The following RPS6KC1 variants were observed in gnomAD, a reference collection of about 807,000 sequenced individuals.
RPS6KC1 encodes the protein inactive ribosomal protein S6 kinase delta-1.
A neutral mutation model predicts 103.8 loss-of-function variants in RPS6KC1; 54 were observed. The ratio of observed to expected loss-of-function variants is 0.52; its 90% CI spans 0.42 to 0.65. RPS6KC1 has a LOEUF of 0.65. Ranked by LOEUF, RPS6KC1 falls within the 30% of genes least tolerant of loss-of-function variation. RPS6KC1 has a pLI of 0.00. For missense variants in RPS6KC1, 1,151 were observed against 1,253.8 expected, an observed-to-expected ratio of 0.92 and a Z score of 1.24; for synonymous variants, 439 against 438.7, an observed-to-expected ratio of 1.00 and a Z score of -0.01.
At chr1:213,611,251 GA>G in the RPS6KC1 span, among the ~76,000 whole-genome samples, 1 of 152,130 alleles carries the variant, frequency 6.6e-6, no homozygotes, top group African/African-American at 2.4e-5. Flanking sequence ...TCTTTTCTAG[GA>G]GAGCAGAAAT....
intron 8 of RPS6KC1, among the ~76,000 whole-genome samples, chr1:213,199,514 T>C (rs1404295759): frequency 6.6e-6 from 1 of 152,158 alleles, no homozygotes; most frequent in East Asian, 1.9e-4. Flanking sequence ...ATACGAGCCA[T>C]CCATGACAAA....
At chr1:213,852,410 T>G in the RPS6KC1 span, among the ~76,000 whole-genome samples, 1 of 152,186 alleles carries the variant, frequency 6.6e-6, no homozygotes, top group Non-Finnish European at 1.5e-5. Flanking sequence ...CTGGTAATGC[T>G]TCTACAACCT....
At chr1:213,728,948 G>GTTTT in the RPS6KC1 span, among the ~76,000 whole-genome samples, 1 of 91,288 alleles carries the variant, frequency 1.1e-5, no homozygotes, top group East Asian at 3.3e-4. Flanking sequence ...TTTTTTTTTT[G>GTTTT]TTTTTTTTTT....
At chr1:213,661,868 G>A in the RPS6KC1 span, among the ~76,000 whole-genome samples, 1 of 152,160 alleles carries the variant, frequency 6.6e-6, no homozygotes, top group African/African-American at 2.4e-5. Flanking sequence ...TGGTTAGAAG[G>A]ATCACAACTT....
chr1:213,418,427 G>C, the RPS6KC1 span, among the ~76,000 whole-genome samples: 1 of 152,088 alleles, frequency 6.6e-6, no homozygotes, highest in Non-Finnish European at 1.5e-5. Context: ...GGGGTGCAAG[G>C]AGAGGCGTCT....
At chr1:213,697,203 A>G in the RPS6KC1 span, among the ~76,000 whole-genome samples, 3 of 152,154 alleles carry the variant, frequency 2.0e-5, no homozygotes, top group African/African-American at 4.8e-5. Flanking sequence ...TGGGCATGCC[A>G]CCCTCCAGGA....
At chr1:213,795,512 A>T in the RPS6KC1 span, among the ~76,000 whole-genome samples, 4 of 152,220 alleles carry the variant, frequency 2.6e-5, no homozygotes, top group Non-Finnish European at 4.4e-5. Flanking sequence ...TGAGAGTGTC[A>T]CAGATTTTTA....
chr1:213,469,496 G>A, the RPS6KC1 span, among the ~76,000 whole-genome samples: 1 of 152,154 alleles, frequency 6.6e-6, no homozygotes, highest in Non-Finnish European at 1.5e-5. Context: ...GTAGGAAAGA[G>A]GTGCCCAGGG....
the RPS6KC1 span, among the ~76,000 whole-genome samples, chr1:213,584,859 G>A: frequency 6.6e-6 from 1 of 152,312 alleles, no homozygotes; most frequent in African/African-American, 2.4e-5. Flanking sequence ...GAGAAACACT[G>A]AAATAAACCA....
chr1:213,078,729 C>T (rs914367575), intron 3 of RPS6KC1, among the ~76,000 whole-genome samples: 2 of 152,200 alleles, frequency 1.3e-5, no homozygotes, highest in Non-Finnish European at 2.9e-5. Flanking sequence ...TTACTTTTTG[C>T]AACCAATTTC....
At chr1:213,841,604 A>G in the RPS6KC1 span, among the ~76,000 whole-genome samples, 73 of 152,066 alleles carry the variant, frequency 4.8e-4, 1 homozygote, top group African/African-American at 1.6e-3. Context: ...TCCTCCCCCA[A>G]TCCCCACCAT....
At chr1:213,165,462 C>T (rs1572958423) in intron 6 of RPS6KC1, among the ~76,000 whole-genome samples, 1 of 150,396 alleles carries the variant, frequency 6.6e-6, no homozygotes, top group South Asian at 2.1e-4. Flanking sequence ...CTTGCACTGT[C>T]GCCCAGGCTG....
intron 6 of RPS6KC1, among the ~76,000 whole-genome samples, chr1:213,146,675 T>C (rs900546998): frequency 6.6e-5 from 10 of 151,916 alleles, no homozygotes; most frequent in Admixed American, 4.0e-4. Flanking sequence ...TCTGCCCACG[T>C]CGGCCTCCCA....
At chr1:213,128,513 A>T (rs1038758530) in intron 5 of RPS6KC1, among the ~76,000 whole-genome samples, 2 of 152,210 alleles carry the variant, frequency 1.3e-5, no homozygotes, top group South Asian at 4.1e-4. Context: ...TCTGATATGT[A>T]TTGTGGATCG....
chr1:213,800,700 G>A, the RPS6KC1 span, among the ~76,000 whole-genome samples: 6,672 of 152,192 alleles, frequency 0.044, 395 homozygotes, highest in East Asian at 0.21. Flanking sequence ...CTGGTCATAA[G>A]TCATCACTCT....
chr1:213,181,382 A>G (rs917609378), intron 8 of RPS6KC1, among the ~76,000 whole-genome samples: 7 of 152,252 alleles, frequency 4.6e-5, no homozygotes, highest in African/African-American at 1.7e-4. Context: ...TTTGTAATCA[A>G]GATAGCTTCC....
chr1:213,244,474 C>T (rs1313751781), intron 12 of RPS6KC1, among the ~76,000 whole-genome samples: 2 of 151,438 alleles, frequency 1.3e-5, no homozygotes, highest in Non-Finnish European at 1.5e-5. Context: ...TCTTTTTTTT[C>T]TCCTGGTTCC....
the RPS6KC1 span, among the ~76,000 whole-genome samples, chr1:213,763,116 C>T: frequency 5.3e-4 from 80 of 152,272 alleles, no homozygotes; most frequent in African/African-American, 1.9e-3. Context: ...GCCTTGGCCT[C>T]CCAAAGTTCT....
intron 6 of RPS6KC1, among the ~76,000 whole-genome samples, chr1:213,152,540 G>C (rs1179975935): frequency 1.3e-5 from 2 of 150,750 alleles, no homozygotes; most frequent in Non-Finnish European, 3.0e-5. Context: ...GCCGGGTAGA[G>C]ATGCTCCTCA....
Sources: gnomAD v4.1 joint callset for allele counts (sites outside exome capture counted in the v4.1 genomes callset) on GRCh38, gnomAD v4.1.1 for gene constraint, MANE v1.5 for transcripts, NCBI Gene and HGNC (gene_info 2026-07-23, HGNC 2026-07-21) for gene names.